Variants in FBXO34 observed in about 807,000 individuals in gnomAD.
FBXO34 encodes F-box only protein 34.
A neutral mutation model predicts 24.5 loss-of-function variants in FBXO34; 12 were observed. The ratio of observed to expected loss-of-function variants is 0.49; its 90% confidence interval spans 0.31 to 0.79. The LOEUF (loss-of-function observed/expected upper bound fraction) is 0.79, where lower values mean the gene tolerates loss of function less well. FBXO34 is among the 30% of genes least tolerant of loss of function. The pLI is 0.04. For synonymous variants in FBXO34, 320 were observed against 311.9 expected (o/e 1.03, Z -0.27); for missense variants, 823 against 857.7 (o/e 0.96, Z 0.51).
the FBXO34 span, chr14:55,411,544 C>T: frequency 1.3e-6 from 2 of 1,513,162 alleles, no homozygotes; most frequent in Non-Finnish European, 1.8e-6. Flanking sequence ...CAGCCTTCGG[C>T]TGCCTGGCTG....
At chr14:55,395,324 C>T in the FBXO34 span, 2 of 262,648 alleles carry the variant, frequency 7.6e-6, no homozygotes, top group East Asian at 2.4e-4. Context: ...TGCTGCCACG[C>T]CTCTCCCAAA....
chr14:55,315,998 T>C (rs1882914358), intron 1 of FBXO34, among the ~76,000 whole-genome samples: 1 of 152,164 alleles, frequency 6.6e-6, no homozygotes, highest in Non-Finnish European at 1.5e-5. Context: ...TCTTCCAATG[T>C]TTTTCTCCTT....
the FBXO34 span, chr14:55,397,515 T>A: frequency 4.5e-6 from 5 of 1,103,308 alleles, no homozygotes; most frequent in Non-Finnish European, 6.8e-6. Context: ...CAAGAACCAA[T>A]CATTCTGCAG....
chr14:55,369,976 C>G (rs554925806), downstream of FBXO34: 1 of 1,512,200 alleles, frequency 6.6e-7, no homozygotes, highest in African/African-American at 1.4e-5. Context: ...TTCTCAACAC[C>G]AGAAAATATG....
chr14:55,402,947 A>ATG, the FBXO34 span, among the ~76,000 whole-genome samples: 35 of 73,830 alleles, frequency 4.7e-4, no homozygotes, highest in Non-Finnish European at 8.6e-4. Flanking sequence ...ATATATATAT[A>ATG]TATATATATA....
chr14:55,419,539 C>T, the FBXO34 span, among the ~76,000 whole-genome samples: 1 of 152,214 alleles, frequency 6.6e-6, no homozygotes, highest in African/African-American at 2.4e-5. Context: ...AGATCCAGAA[C>T]AGTGTAAGCT....
chr14:55,427,046 C>T, the FBXO34 span, among the ~76,000 whole-genome samples: 10 of 152,142 alleles, frequency 6.6e-5, no homozygotes, highest in African/African-American at 1.9e-4. Flanking sequence ...TACACTAAGC[C>T]GATTCAGAGA....
At chr14:55,315,311 A>T (rs1178366057) in intron 1 of FBXO34, among the ~76,000 whole-genome samples, 2 of 152,234 alleles carry the variant, frequency 1.3e-5, no homozygotes, top group Non-Finnish European at 2.9e-5. Flanking sequence ...AAAGTCAGAC[A>T]CTTCAAGTAT....
the FBXO34 span, chr14:55,411,762 GCCGGGGCCCGCA>G: frequency 6.2e-7 from 1 of 1,606,134 alleles, no homozygotes. Flanking sequence ...CGGGCGAGCG[GCCGGGGCCCGCA>G]GCCAGGAGCC....
intron 1 of FBXO34, among the ~76,000 whole-genome samples, chr14:55,304,196 A>G (rs928451792): frequency 6.6e-6 from 1 of 152,198 alleles, no homozygotes; most frequent in Non-Finnish European, 1.5e-5. Context: ...CCTCATTTCT[A>G]TCATTAAAAA....
At chr14:55,380,319 A>G in the FBXO34 span, among the ~76,000 whole-genome samples, 10 of 152,210 alleles carry the variant, frequency 6.6e-5, no homozygotes, top group African/African-American at 2.4e-4. Flanking sequence ...GAGGATCTGC[A>G]GCAAACCCTC....
intron 1 of FBXO34, among the ~76,000 whole-genome samples, chr14:55,309,369 A>G (rs1882658847): frequency 6.6e-6 from 1 of 152,200 alleles, no homozygotes; most frequent in East Asian, 1.9e-4. Flanking sequence ...ACGATGGGCT[A>G]TGATTGTGTC....
downstream of FBXO34, chr14:55,366,274 T>A (rs1884675568): frequency 6.6e-6 from 1 of 152,596 alleles, no homozygotes; most frequent in Non-Finnish European, 1.5e-5. Context: ...GGCAAAAAAA[T>A]TCTACAAACT....
chr14:55,330,099 C>T (rs1292927717), intron 1 of FBXO34, among the ~76,000 whole-genome samples: 10 of 152,146 alleles, frequency 6.6e-5, no homozygotes. Flanking sequence ...TTTTCTCTTC[C>T]ATCCAAATTT....
chr14:55,359,346 C>A (rs1389227766), intron 3 of FBXO34, among the ~76,000 whole-genome samples: 1 of 152,286 alleles, frequency 6.6e-6, no homozygotes, highest in East Asian at 1.9e-4. Context: ...GTTCACCAGG[C>A]TCTAGATAAA....
At chr14:55,338,920 A>C (rs1308107499) in intron 1 of FBXO34, among the ~76,000 whole-genome samples, 6 of 131,114 alleles carry the variant, frequency 4.6e-5, no homozygotes, top group Admixed American at 1.4e-4. Context: ...ACAAAAAAAA[A>C]CAAAAAAAAA....
intron 1 of FBXO34, chr14:55,318,035 T>C (rs1882993426): frequency 6.6e-6 from 1 of 152,172 alleles, no homozygotes; most frequent in African/African-American, 2.4e-5. Flanking sequence ...TAAGAGAATG[T>C]TCCCTGATGC....
chr14:55,441,732 G>A, the FBXO34 span, among the ~76,000 whole-genome samples: 1 of 152,086 alleles, frequency 6.6e-6, no homozygotes, highest in African/African-American at 2.4e-5. Flanking sequence ...GAGCTTAACT[G>A]TGTAGAACAA....
At chr14:55,386,099 AAAAT>A in the FBXO34 span, 1 of 1,603,406 alleles carries the variant, frequency 6.2e-7, no homozygotes, top group Non-Finnish European at 8.5e-7. Flanking sequence ...TTCAGAATCT[AAAAT>A]AAATAAATCA....
Sources: allele counts gnomAD v4.1 joint callset (sites outside exome capture counted in the v4.1 genomes callset), GRCh38; gene constraint gnomAD v4.1.1; transcripts MANE v1.5; gene names NCBI Gene and HGNC (gene_info 2026-07-23, HGNC 2026-07-21).